The following SIAH2 variants were observed in gnomAD, a reference collection of about 807,000 sequenced individuals.
SIAH2 encodes E3 ubiquitin-protein ligase SIAH2.
A neutral mutation model predicts 20.4 loss-of-function variants in SIAH2; 4 were observed. That is an observed-to-expected ratio of 0.20 (90% CI 0.10 to 0.45). The LOEUF is 0.45. Among genes scored for constraint, SIAH2 ranks in the 20% least tolerant of loss-of-function variants. SIAH2 has a pLI of 0.99. For missense variants in SIAH2, 259 were observed against 440.3 expected (o/e 0.59, Z 3.69); for synonymous variants, 171 against 192.5 (o/e 0.89, Z 0.93).
chr3:150,742,089 T>C lies in SIAH2; in HGVS notation c.*52A>G, dbSNP rs1366136478. The C allele has an allele frequency of 3.7e-5, 55 of 1,487,764 alleles. 1 individual carries two copies. Among genetic ancestry groups the C allele is most frequent in the Middle Eastern group, 3.6e-4 (2 of 5,584 alleles). The allele number at this position is 1,487,764 out of a possible 1,614,324, so 92.2% of individuals were successfully genotyped here. A position where few individuals can be genotyped will look rare whatever the true frequency, so the allele number is the denominator to read the frequency against. On this transcript the variant is annotated 3_prime_UTR_variant, in exon 2 of 2. Transcript: ENST00000312960. The surrounding 1 kb of genome is among the most constrained non-coding windows in gnomAD (Gnocchi z 4.8). ...AATAAAACATCTATAAAAACCTTTA[T>C]TAAACATAGAGCACTATGCCCAAAT...
chr3:150,758,033 C>T (rs1714521403), intron 1 of SIAH2, among the ~76,000 whole-genome samples: 1 of 152,018 alleles, frequency 6.6e-6, no homozygotes, highest in Admixed American at 6.6e-5. Context: ...ATACTTCTCT[C>T]CTCTCCTCTC....
Position 150,762,893 on chromosome 3 carries a change from C to T in SIAH2, c.-44G>A. 1 of 1,149,796 alleles carries T rather than the reference C, an allele frequency of 8.7e-7. No homozygotes were observed. Among genetic ancestry groups the T allele is most frequent in the Non-Finnish European group, 1.1e-6 (1 of 926,132 alleles). 71.2% of individuals were successfully genotyped at this position (1,149,796 alleles called of 1,614,324 possible). The stretch of plus-strand genomic sequence containing the variant: ...TGGAACTGCGGGCGCCTGCCTGCCG[C>T]GGGGCCGCCCGGGTCAAGGCGGTGC... On this transcript the variant is annotated 5_prime_UTR_variant, in exon 1 of 2. Transcript: ENST00000312960. This position sits in a 1 kb window ranked among gnomAD's most constrained non-coding sequence, Gnocchi z 6.6.
intron 1 of SIAH2, among the ~76,000 whole-genome samples, chr3:150,745,927 T>C (rs1714201584): frequency 6.6e-6 from 1 of 152,158 alleles, no homozygotes; most frequent in Non-Finnish European, 1.5e-5. Flanking sequence ...AGAAAGACCA[T>C]ATAATAAATT....
intron 1 of SIAH2, among the ~76,000 whole-genome samples, chr3:150,759,017 T>A (rs898791390): frequency 6.6e-6 from 1 of 152,090 alleles, no homozygotes; most frequent in Admixed American, 6.5e-5. Context: ...AGTGCTGGGA[T>A]TACAGACGTG....
rs748554157 is a variant in SIAH2 at position 150,762,790 on chromosome 3, C to A, written c.60G>T (p.Pro20=). 1 of 1,218,558 alleles carries A rather than the reference C, an allele frequency of 8.2e-7. No homozygotes were observed. The highest frequency in any genetic ancestry group is 3.5e-5 in the Admixed American group (1 of 28,462). The allele number at this position is 1,218,558 out of a possible 1,614,324, so 75.5% of individuals were successfully genotyped here. The part of the protein sequence containing the change: ...SANKPCSKQP[P]PQPQHTPSPA... Reference sequence around the variant, plus strand: ...GGGACGGAGTGTGCTGGGGCTGCGGCGGCGGCTGCTTGCTGCAGGGTTTAT... The same window carrying A: ...GGGACGGAGTGTGCTGGGGCTGCGGAGGCGGCTGCTTGCTGCAGGGTTTAT... Residue 20 remains proline, a synonymous_variant, in exon 1 of 2, where the codon CCG becomes CCT. Coordinates refer to ENST00000312960, the MANE Select transcript of SIAH2 (RefSeq NM_005067.7). This position sits in a 1 kb window ranked among gnomAD's most constrained non-coding sequence, Gnocchi z 6.6.
chr3:150,749,409 G>A (rs569639977), intron 1 of SIAH2, among the ~76,000 whole-genome samples: 1 of 152,112 alleles, frequency 6.6e-6, no homozygotes, highest in South Asian at 2.1e-4. Flanking sequence ...GAGGGCAAAG[G>A]TGAGAGGATT....
chr3:150,756,336 T>C (rs1052221659), intron 1 of SIAH2, among the ~76,000 whole-genome samples: 12 of 152,212 alleles, frequency 7.9e-5, no homozygotes, highest in African/African-American at 2.9e-4. Flanking sequence ...TTAGCAAATG[T>C]GTATCTGCTA....
At chr3:150,747,874 G>T (rs1455634710) in intron 1 of SIAH2, among the ~76,000 whole-genome samples, 1 of 147,760 alleles carries the variant, frequency 6.8e-6, no homozygotes, top group Non-Finnish European at 1.5e-5. Context: ...TAAGGCAGGA[G>T]AATCACTTGA....
chr3:150,749,668 A>T (rs182611173), intron 1 of SIAH2, among the ~76,000 whole-genome samples: 1 of 152,372 alleles, frequency 6.6e-6, no homozygotes, highest in African/African-American at 2.4e-5. Flanking sequence ...CTACATAACT[A>T]CATGTAAATG....
chr3:150,742,546 G>C lies in SIAH2; in HGVS notation c.570C>G (p.His190Gln). ...SLEAVMSHLM[H>Q]AHKSITTLQG... ...GAAGGGTGGTAATGCTCTTGTGGGC[G>C]TGCATGAGATGGGACATCACAGCTT... Residue 190 changes from histidine (H) to glutamine (Q), a missense_variant, in exon 2 of 2, where the codon CAC becomes CAG. Physicochemically the swap from His to Gln is conservative, Grantham distance 24 (BLOSUM62 0). Coordinates refer to ENST00000312960, the MANE Select transcript of SIAH2 (RefSeq NM_005067.7). This position sits in a 1 kb window ranked among gnomAD's most constrained non-coding sequence, Gnocchi z 4.8. 6.2e-7 allele frequency: 1 copy of C among 1,613,976 alleles called. No individual in the cohort carries two copies. Among genetic ancestry groups the C allele is most frequent in the East Asian group, 2.2e-5 (1 of 44,880 alleles).
chr3:150,752,384 G>A (rs1008652384), intron 1 of SIAH2, among the ~76,000 whole-genome samples: 12 of 152,314 alleles, frequency 7.9e-5, no homozygotes, highest in Admixed American at 2.0e-4. Flanking sequence ...CGAGGCAGGC[G>A]GATCACCTGA....
Position 150,762,520 on chromosome 3 carries a change from G to A in SIAH2, c.330C>T (p.Cys110=), listed in dbSNP as rs773971168. The change falls in exon 1 of 2, where the codon TGC becomes TGT. Residue 110 remains cysteine (C), a synonymous_variant. Transcript: ENST00000312960. This position sits in a 1 kb window ranked among gnomAD's most constrained non-coding sequence, Gnocchi z 6.6. ...VCNQCRQKLS[C]CPTCRGALTP... ...TCAGGGCGCCCCTGCACGTCGGGCA[G>A]CAGCTCAACTTCTGGCGGCATTGGT... The A allele has an allele frequency of 3.1e-6, 5 of 1,613,612 alleles. No homozygotes were observed. Among genetic ancestry groups the A allele is most frequent in the Non-Finnish European group, 4.2e-6 (5 of 1,179,948 alleles).
chr3:150,759,409 A>G (rs1714557151), intron 1 of SIAH2, among the ~76,000 whole-genome samples: 1 of 152,158 alleles, frequency 6.6e-6, no homozygotes, highest in South Asian at 2.1e-4. Context: ...ATTCCTGCCA[A>G]TGAATTTCAT....
intron 1 of SIAH2, among the ~76,000 whole-genome samples, chr3:150,753,803 A>C (rs1714422595): frequency 6.7e-6 from 1 of 148,182 alleles, no homozygotes; most frequent in Non-Finnish European, 1.5e-5. Flanking sequence ...CGAAACAAAA[A>C]ACAAAAAAAA....
chr3:150,743,665 C>T (rs1239312792), intron 1 of SIAH2, among the ~76,000 whole-genome samples: 1 of 152,162 alleles, frequency 6.6e-6, no homozygotes, highest in Non-Finnish European at 1.5e-5. Context: ...CTTGGGATGA[C>T]ATTCCTAATG....
At chr3:150,754,516 ATGAGACT>A (rs1714441306) in intron 1 of SIAH2, among the ~76,000 whole-genome samples, 2 of 152,306 alleles carry the variant, frequency 1.3e-5, no homozygotes, top group East Asian at 3.9e-4. Context: ...ACAATTGAAC[ATGAGACT>A]TGATGGGGAC....
chr3:150,762,052 C>T lies in SIAH2; in HGVS notation c.417+381G>A, dbSNP rs1477331468. The T allele has an allele frequency of 4.3e-6, 1 of 235,004 alleles. No individual in the cohort carries two copies. Among genetic ancestry groups the T allele is most frequent in the African/African-American group, 2.4e-5 (1 of 42,428 alleles). The allele number at this position is 235,004 out of a possible 1,614,324, so 14.6% of individuals were successfully genotyped here. ...GCGCTGGTAAAGGGGGCGTTTAGCTCGCCCGTTTCCTCCCTCCTCAATCCC... is the reference window on the plus strand; with the variant it reads ...GCGCTGGTAAAGGGGGCGTTTAGCTTGCCCGTTTCCTCCCTCCTCAATCCC... On this transcript the variant is annotated intron_variant, in intron 1 of 1. Coordinates refer to ENST00000312960, the MANE Select transcript of SIAH2 (RefSeq NM_005067.7). The surrounding 1 kb of genome is among the most constrained non-coding windows in gnomAD (Gnocchi z 6.6).
rs2108127964 is a variant in SIAH2, at chr3:150,762,219, GTTAA to G, written c.417+210_417+213del. 2.0e-6 allele frequency: 2 copies of G among 988,216 alleles called. No homozygotes were observed. The allele number at this position is 988,216 out of a possible 1,614,324, so 61.2% of individuals were successfully genotyped here. A position where few individuals can be genotyped will look rare whatever the true frequency, so the allele number is the denominator to read the frequency against. ...ACGATCAGCAAATGCCAATTAATCT[GTTAA>G]TTGTCTATTAACAATTATTACTCGG... On this transcript the variant is annotated intron_variant, in intron 1 of 1. Coordinates refer to ENST00000312960, the MANE Select transcript of SIAH2 (RefSeq NM_005067.7). This position sits in a 1 kb window ranked among gnomAD's most constrained non-coding sequence, Gnocchi z 6.6.
chr3:150,757,554 GA>G (rs1714510032), intron 1 of SIAH2, among the ~76,000 whole-genome samples: 1 of 152,202 alleles, frequency 6.6e-6, no homozygotes, highest in African/African-American at 2.4e-5. Flanking sequence ...TTCTACAAGA[GA>G]ATCAGATCAG....
Sources: allele counts gnomAD v4.1 joint callset (sites outside exome capture counted in the v4.1 genomes callset), GRCh38; gene constraint gnomAD v4.1.1; non-coding constraint Gnocchi (gnomAD v3.1); transcripts MANE v1.5; gene names NCBI Gene and HGNC (gene_info 2026-07-23, HGNC 2026-07-21).